The following ANKRD30A variants were observed in gnomAD, a reference collection of about 807,000 sequenced individuals.
ANKRD30A encodes the protein ankyrin repeat domain-containing protein 30A.
A neutral mutation model predicts 166.3 loss-of-function variants in ANKRD30A; 170 were observed. The observed-to-expected ratio is 1.02, with a 90% CI of 0.90 to 1.16. The LOEUF (loss-of-function observed/expected upper bound fraction) is 1.16. ANKRD30A is among the 50% of genes most tolerant of loss of function. ANKRD30A has a pLI of 0.00. For missense variants in ANKRD30A, 1,630 were observed against 1,518.0 expected (o/e 1.07, Z -1.23); for synonymous variants, 564 against 508.9 (o/e 1.11, Z -1.46).
At chr10:37,142,743 C>T (rs1156794931) in intron 7 of ANKRD30A, among the ~76,000 whole-genome samples, 3 of 151,826 alleles carry the variant, frequency 2.0e-5, no homozygotes, top group Non-Finnish European at 2.9e-5. Context: ...TGCCCACCAC[C>T]ACACCTGGAT....
chr10:37,144,951 T>C, intron 7 of ANKRD30A, 44 bp from the exon 8 acceptor site: 1 of 1,390,832 alleles, frequency 7.2e-7, no homozygotes, highest in Non-Finnish European at 1.0e-6. Context: ...AAATTTATAA[T>C]AAGAAATGTT....
chr10:37,165,279 T>C, intron 18 of ANKRD30A, 124 bp downstream of exon 18: 1 of 920,820 alleles, frequency 1.1e-6, no homozygotes. Flanking sequence ...TTGATGTTTT[T>C]CAGTATATGC....
intron 11 of ANKRD30A, among the ~76,000 whole-genome samples, 185 bp from the exon 12 acceptor site, chr10:37,151,875 C>G (rs1837964127): frequency 6.6e-6 from 1 of 152,008 alleles, no homozygotes; most frequent in Non-Finnish European, 1.5e-5. Context: ...TGTTAATTTT[C>G]AGACTTTTTA....
At chr10:37,197,550 C>A (rs1018073339) in intron 29 of ANKRD30A, 70 bp downstream of exon 29, 2 of 1,601,586 alleles carry the variant, frequency 1.2e-6, no homozygotes, top group Non-Finnish European at 1.7e-6. Context: ...TCTTTCTATC[C>A]CCAATGCTTT....
At chr10:37,158,625 A>T (rs1338470256) in intron 15 of ANKRD30A, 39 bp downstream of exon 15, 1 of 1,601,296 alleles carries the variant, frequency 6.2e-7, no homozygotes, top group Admixed American at 1.7e-5. Flanking sequence ...GGAAAGGAGA[A>T]TATTAAAATA....
chr10:37,147,586 A>C, intron 9 of ANKRD30A, 129 bp downstream of exon 9: 1 of 525,784 alleles, frequency 1.9e-6, no homozygotes, highest in Non-Finnish European at 3.3e-6. Flanking sequence ...GAGGAGTAAA[A>C]TGATAAGTTA....
rs377095751 is a variant in ANKRD30A at position 37,216,212 on chromosome 10, A to G, written c.2901A>G (p.Thr967=). ...CTAGCCTATCAAAAATCTTGGATAC[A>G]GTTCATTCTTGTGAAAGAGCAAGGG... The part of the protein sequence containing the change: ...DSTSLSKILD[T]VHSCERAREL... Residue 967 remains threonine, a synonymous_variant, in exon 32 of 36, where the codon ACA becomes ACG. Coordinates refer to ENST00000361713, the MANE Select transcript of ANKRD30A (RefSeq NM_052997.3). 630 of 1,605,004 alleles carry G rather than the reference A, an allele frequency of 3.9e-4. 1 individual carries two copies. The highest frequency in any genetic ancestry group is 5.1e-4 in the Non-Finnish European group (600 of 1,173,934).
Position 37,219,846 on chromosome 10 carries a change from C to A in ANKRD30A, c.4134C>A (p.Asn1378Lys). The A allele has an allele frequency of 1.3e-6, 2 of 1,582,668 alleles. No individual in the cohort carries two copies. The highest frequency in any genetic ancestry group is 8.6e-7 in the Non-Finnish European group (1 of 1,163,632). ...EKNEEIFNYN[N>K]HLKNRIYQYE... is the part of the protein sequence containing the mutation. ...ATGAGGAGATATTTAATTACAATAA[C>A]CATTTAAAAAACCGTATATATCAAT... Residue 1378 changes from asparagine to lysine, a missense_variant, in exon 34 of 36, where the codon AAC becomes AAA. Physicochemically the swap from Asn to Lys is moderately conservative, Grantham distance 94 (BLOSUM62 0). Coordinates refer to ENST00000361713, the MANE Select transcript of ANKRD30A (RefSeq NM_052997.3).
At position 37,149,762 on chromosome 10, in the gene ANKRD30A, T is replaced by C. The variant is rs1450159681; in HGVS notation, c.1573-15T>C. On this transcript the variant is annotated splice_polypyrimidine_tract_variant and intron_variant, in intron 10 of 35. Coordinates refer to ENST00000361713, the MANE Select transcript of ANKRD30A (RefSeq NM_052997.3). ...TACATTCTTTATTAATCATTTTGCT[T>C]CCAACCCCATTTAGCCTGCCATTGA... is the stretch of plus-strand genomic sequence containing the variant. 1.9e-6 allele frequency: 3 copies of C among 1,613,026 alleles called. No homozygotes were observed. Among genetic ancestry groups the C allele is most frequent in the Non-Finnish European group, 2.5e-6 (3 of 1,179,220 alleles).
intron 17 of ANKRD30A, 114 bp from the exon 18 acceptor site, chr10:37,164,980 T>G: frequency 1.8e-6 from 2 of 1,119,064 alleles, no homozygotes; most frequent in African/African-American, 1.5e-5. Flanking sequence ...AAAGAACATA[T>G]GGGCCACAGA....
At chr10:37,139,753 T>G (rs1836973373) in intron 6 of ANKRD30A, among the ~76,000 whole-genome samples, 1 of 152,224 alleles carries the variant, frequency 6.6e-6, no homozygotes, top group South Asian at 2.1e-4. Context: ...TGTAGAGACA[T>G]GGTCTCCTTA....
At chr10:37,177,914 A>C (rs1349378682) in intron 24 of ANKRD30A, among the ~76,000 whole-genome samples, 1 of 149,066 alleles carries the variant, frequency 6.7e-6, no homozygotes, top group African/African-American at 2.5e-5. Flanking sequence ...CTCATCAGGC[A>C]TTGGCAACAG....
At chr10:37,233,802 G>A (rs562215762), downstream of ANKRD30A, among the ~76,000 whole-genome samples, 197 of 152,138 alleles carry the variant, frequency 1.3e-3, 1 homozygote, top group African/African-American at 4.6e-3. Context: ...TTTGAGAGGT[G>A]GCACAGATTA....
At position 37,130,093 on chromosome 10, in the gene ANKRD30A, C is replaced by G. The variant is rs1836286922; in HGVS notation, c.336+86C>G. 4 of 1,190,472 alleles carry G rather than the reference C, an allele frequency of 3.4e-6. No individual in the cohort carries two copies. The African/African-American group carries it at 6.4e-5, about 19-fold the overall frequency. 73.7% of individuals were successfully genotyped at this position (1,190,472 alleles called of 1,614,324 possible). A position where few individuals can be genotyped will look rare whatever the true frequency, so the allele number is the denominator to read the frequency against. ...ATGAATTTATCTCATTGAAATACAACTAGTTTTGAAACCTGTGGAATATTT... is the reference window on the plus strand; with the variant it reads ...ATGAATTTATCTCATTGAAATACAAGTAGTTTTGAAACCTGTGGAATATTT... On this transcript the variant is annotated intron_variant, in intron 2 of 35. Coordinates refer to ENST00000361713, the MANE Select transcript of ANKRD30A (RefSeq NM_052997.3).
At chr10:37,155,399 T>G (rs1182256041) in intron 13 of ANKRD30A, among the ~76,000 whole-genome samples, 1 of 152,184 alleles carries the variant, frequency 6.6e-6, no homozygotes, top group Non-Finnish European at 1.5e-5. Flanking sequence ...GCTTTAAGTA[T>G]ATATCCAAGC....
At chr10:37,210,070 C>A (rs1478365803) in intron 31 of ANKRD30A, among the ~76,000 whole-genome samples, 1 of 152,038 alleles carries the variant, frequency 6.6e-6, no homozygotes, top group African/African-American at 2.4e-5. Flanking sequence ...CCCATCAACC[C>A]ATCATCTACA....
chr10:37,241,456 A>G, the ANKRD30A span, among the ~76,000 whole-genome samples: 2 of 151,918 alleles, frequency 1.3e-5, no homozygotes, highest in African/African-American at 2.4e-5. Context: ...ATTTTAAACC[A>G]TGTTTCTAAG....
intron 31 of ANKRD30A, among the ~76,000 whole-genome samples, chr10:37,202,221 G>A (rs1841669410): frequency 6.6e-6 from 1 of 151,936 alleles, no homozygotes; most frequent in Non-Finnish European, 1.5e-5. Context: ...CAACGCAATA[G>A]AAATTGTAGA....
chr10:37,213,273 A>G (rs1254424664), intron 31 of ANKRD30A, among the ~76,000 whole-genome samples: 1 of 151,848 alleles, frequency 6.6e-6, no homozygotes, highest in East Asian at 1.9e-4. Flanking sequence ...CTGAATAGGT[A>G]CCACTTCATG....
Sources: allele counts gnomAD v4.1 joint callset (sites outside exome capture counted in the v4.1 genomes callset), GRCh38; gene constraint gnomAD v4.1.1; transcripts MANE v1.5; gene names NCBI Gene and HGNC (gene_info 2026-07-23, HGNC 2026-07-21).